MAP2K6: variants seen among roughly 807,000 people sequenced by gnomAD.
MAP2K6 encodes the protein mitogen-activated protein kinase kinase 6, also known as dual specificity mitogen-activated protein kinase kinase 6.
MAP2K6 carries 16 observed loss-of-function variants against 53.7 expected under a neutral mutation model. The ratio of observed to expected loss-of-function variants is 0.30; its 90% confidence interval spans 0.20 to 0.45. The LOEUF (loss-of-function observed/expected upper bound fraction) is 0.45, where lower values mean the gene tolerates loss of function less well. Ranked by LOEUF, MAP2K6 falls within the 20% of genes least tolerant of loss-of-function variation. MAP2K6 has a pLI of 1.00. For synonymous variants in MAP2K6, 132 were observed against 143.1 expected (o/e 0.92, Z 0.55); for missense variants, 204 against 411.9 (o/e 0.50, Z 4.37).
Position 69,550,817 on chromosome 17 carries a change from A to G in MAP2K6, c.*9064A>G, listed in dbSNP as rs1912066717. 6.6e-6 allele frequency: 1 copy of G among 152,172 alleles called. No homozygotes were observed. The highest frequency in any genetic ancestry group is 6.5e-5 in the Admixed American group (1 of 15,268). 9.4% of individuals were successfully genotyped at this position (152,172 alleles called of 1,614,324 possible). A position where few individuals can be genotyped will look rare whatever the true frequency, so the allele number is the denominator to read the frequency against. On this transcript the variant is annotated 3_prime_UTR_variant, in exon 12 of 12. Coordinates refer to ENST00000590474, the MANE Select transcript of MAP2K6 (RefSeq NM_002758.4). The stretch of plus-strand genomic sequence containing the variant: ...AACTGGAAGTCTCTGTGGCCATTAA[A>G]AACTTGGGAACGTTGGATTAAATGA...
At chr17:69,438,133 G>T (rs892450478) in intron 1 of MAP2K6, among the ~76,000 whole-genome samples, 1 of 152,238 alleles carries the variant, frequency 6.6e-6, no homozygotes, top group African/African-American at 2.4e-5. Flanking sequence ...TTCCGAGGGG[G>T]ACAGGAGACT....
chr17:69,455,435 T>A (rs1907371415), intron 1 of MAP2K6, among the ~76,000 whole-genome samples: 1 of 152,084 alleles, frequency 6.6e-6, no homozygotes, highest in East Asian at 1.9e-4. Context: ...TATGACAACC[T>A]CGAAAGGCAG....
At chr17:69,422,075 T>C (rs1285584049) in intron 1 of MAP2K6, among the ~76,000 whole-genome samples, 6 of 151,716 alleles carry the variant, frequency 4.0e-5, no homozygotes, top group Admixed American at 2.6e-4. Context: ...TTGAGGAGGA[T>C]ATTCAGGTTA....
At chr17:69,468,240 C>G (rs563045396) in intron 1 of MAP2K6, among the ~76,000 whole-genome samples, 23 of 152,226 alleles carry the variant, frequency 1.5e-4, no homozygotes, top group Non-Finnish European at 2.6e-4. Context: ...TCTACCATCA[C>G]TAATCCAATC....
chr17:69,505,037 G>A (rs1304736306), intron 1 of MAP2K6, among the ~76,000 whole-genome samples: 3 of 151,332 alleles, frequency 2.0e-5, no homozygotes, highest in Admixed American at 6.6e-5. Flanking sequence ...AGAAAATAGT[G>A]GGTTACTAAG....
intron 8 of MAP2K6, 152 bp downstream of exon 8, chr17:69,523,793 C>A: frequency 2.0e-6 from 2 of 1,018,232 alleles, no homozygotes; most frequent in Non-Finnish European, 2.9e-6. Flanking sequence ...AATTTTATGT[C>A]TGAAATCTTT....
chr17:69,516,794 T>G, intron 2 of MAP2K6, 61 bp from the exon 3 acceptor site: 1 of 1,245,524 alleles, frequency 8.0e-7, no homozygotes. Context: ...GTGTGTGATT[T>G]GGGAAGGACA....
chr17:69,454,235 G>A (rs753620360), intron 1 of MAP2K6, among the ~76,000 whole-genome samples: 3 of 152,198 alleles, frequency 2.0e-5, no homozygotes, highest in Non-Finnish European at 4.4e-5. Context: ...CAGCCTTTGA[G>A]CTTTGTGAAA....
At chr17:69,424,448 C>T (rs1346608736) in intron 1 of MAP2K6, among the ~76,000 whole-genome samples, 1 of 152,196 alleles carries the variant, frequency 6.6e-6, no homozygotes, top group East Asian at 1.9e-4. Context: ...ATCATTTACT[C>T]TCACTATGGA....
chr17:69,496,092 T>C (rs1380618409), intron 1 of MAP2K6, among the ~76,000 whole-genome samples: 1 of 152,198 alleles, frequency 6.6e-6, no homozygotes, highest in Non-Finnish European at 1.5e-5. Context: ...TTTTTTTTTT[T>C]TAGCTTTAAT....
intron 2 of MAP2K6, among the ~76,000 whole-genome samples, chr17:69,513,972 A>G (rs1910006754): frequency 6.6e-6 from 1 of 152,036 alleles, no homozygotes; most frequent in African/African-American, 2.4e-5. Flanking sequence ...ACGATTAGCC[A>G]GGTGTGGTGC....
At chr17:69,523,703 CA>C (rs1263274556) in intron 8 of MAP2K6, 62 bp downstream of exon 8, 92 of 1,591,526 alleles carry the variant, frequency 5.8e-5, no homozygotes, top group Non-Finnish European at 2.7e-5. Context: ...TGCTGGGAAA[CA>C]AGAAATGGAT....
chr17:69,481,475 G>A (rs61100668), intron 1 of MAP2K6, among the ~76,000 whole-genome samples: 15,344 of 152,158 alleles, frequency 0.1, 1,081 homozygotes, highest in African/African-American at 0.2. Flanking sequence ...TGGGTGTACA[G>A]ATATCTCCTT....
chr17:69,497,775 C>G (rs1041134319), intron 1 of MAP2K6, among the ~76,000 whole-genome samples: 1 of 152,180 alleles, frequency 6.6e-6, no homozygotes, highest in Middle Eastern at 3.4e-3. Flanking sequence ...CTTTGAATCC[C>G]CTTATTGTCT....
At chr17:69,524,384 A>G (rs1006124691) in intron 8 of MAP2K6, among the ~76,000 whole-genome samples, 3 of 151,358 alleles carry the variant, frequency 2.0e-5, no homozygotes, top group African/African-American at 7.3e-5. Flanking sequence ...CACAGCTGTG[A>G]AGATTCACCG....
intron 1 of MAP2K6, among the ~76,000 whole-genome samples, chr17:69,503,986 C>T (rs996020691): frequency 6.6e-6 from 1 of 152,112 alleles, no homozygotes; most frequent in Admixed American, 6.5e-5. Context: ...CTCACCTGCC[C>T]CCTCTCCAGT....
intron 1 of MAP2K6, among the ~76,000 whole-genome samples, chr17:69,481,219 C>T (rs1457070824): frequency 6.6e-6 from 1 of 152,108 alleles, no homozygotes; most frequent in Non-Finnish European, 1.5e-5. Context: ...ACTCCAGGTA[C>T]CTTGTTTAAG....
intron 1 of MAP2K6, among the ~76,000 whole-genome samples, chr17:69,418,165 C>G (rs961252715): frequency 1.3e-5 from 2 of 152,126 alleles, no homozygotes; most frequent in African/African-American, 2.4e-5. Flanking sequence ...TTTATAACCC[C>G]GTACATCTCA....
intron 1 of MAP2K6, among the ~76,000 whole-genome samples, chr17:69,498,151 A>G (rs1420431673): frequency 6.6e-6 from 1 of 152,222 alleles, no homozygotes; most frequent in African/African-American, 2.4e-5. Flanking sequence ...GCTCAAAGAT[A>G]GAGATAACAC....
Sources: gnomAD v4.1 joint callset for allele counts (sites outside exome capture counted in the v4.1 genomes callset) on GRCh38, gnomAD v4.1.1 for gene constraint, MANE v1.5 for transcripts, NCBI Gene and HGNC (gene_info 2026-07-23, HGNC 2026-07-21) for gene names.